LPCAT4: variants seen among roughly 807,000 people sequenced by gnomAD.
LPCAT4 encodes the protein lysophosphatidylcholine acyltransferase 4.
A neutral mutation model predicts 66.5 loss-of-function variants in LPCAT4; 30 were observed. That is an observed-to-expected ratio of 0.45 (90% CI 0.34 to 0.61). The LOEUF is 0.61. LPCAT4 is among the 20% of genes least tolerant of loss of function. The pLI is 0.01. For missense variants in LPCAT4, 557 were observed against 656.7 expected (o/e 0.85, Z 1.66); for synonymous variants, 253 against 262.1 (o/e 0.97, Z 0.34).
Position 34,363,032 on chromosome 15 carries a change from G to A in LPCAT4, c.747-196C>T, listed in dbSNP as rs150677146. 1.7e-4 allele frequency: 106 copies of A among 640,440 alleles called. No homozygotes were observed. The highest frequency in any genetic ancestry group is 2.8e-4 in the Non-Finnish European group (99 of 357,848). 39.7% of individuals were successfully genotyped at this position (640,440 alleles called of 1,614,324 possible). On this transcript the variant is annotated intron_variant, in intron 7 of 13. Coordinates refer to ENST00000314891, the MANE Select transcript of LPCAT4 (RefSeq NM_153613.3). The surrounding 1 kb of genome is among the most constrained non-coding windows in gnomAD (Gnocchi z 4.3). ...GGAGACACAAGGAACGGCCAGAAACGCGGTAGGGAAAGAGAGCAGAGCTGC... is the reference window on the plus strand; with the variant it reads ...GGAGACACAAGGAACGGCCAGAAACACGGTAGGGAAAGAGAGCAGAGCTGC...
rs1244450829 is a variant in LPCAT4 at position 34,365,571 on chromosome 15, G to A, written c.245C>T (p.Thr82Ile). Reference sequence around the variant, plus strand: ...ATCCCTCACTTACTTCCTCCATCCTGTAATTGGCTCCTGAAGCTGCTCCTC... The same window carrying A: ...ATCCCTCACTTACTTCCTCCATCCTATAATTGGCTCCTGAAGCTGCTCCTC... Reference protein sequence around the residue: ...LSEEQLQEPITGWRKTVCHNG... With the variant: ...LSEEQLQEPIIGWRKTVCHNG... Residue 82 changes from threonine to isoleucine, a missense_variant, in exon 2 of 14, where the codon ACA (threonine) becomes ATA (isoleucine). Around this residue, in one of 4 missense-constraint regions of LPCAT4, gnomAD observed 65 missense variants for 83.5 expected, o/e 0.78. Transcript: ENST00000314891. 6.2e-7 allele frequency: 1 copy of A among 1,614,072 alleles called. No homozygotes were observed. The highest frequency in any genetic ancestry group is 1.3e-5 in the African/African-American group (1 of 74,934).
chr15:34,360,250 G>A (rs775157345), intron 11 of LPCAT4, 41 bp from the exon 12 acceptor site: 27 of 1,509,256 alleles, frequency 1.8e-5, no homozygotes, highest in South Asian at 1.7e-4. Flanking sequence ...GGGACCCTGC[G>A]CCTCCCTTCC....
In LPCAT4 at chr15:34,359,128, C is replaced by CA; in HGVS notation, c.1573dup (p.Ter525LeufsTer41). The CA allele has an allele frequency of 1.2e-6, 2 of 1,600,526 alleles. No homozygotes were observed. Among genetic ancestry groups the CA allele is most frequent in the Non-Finnish European group, 1.7e-6 (2 of 1,174,482 alleles). ...GGAGGGGGTGAGAGGCTGAGGCACT[C>CA]AGTCTCCCTTCTGCTTGGGTGCTTG... On this transcript the variant is annotated frameshift_variant and stop_lost, in exon 14 of 14. Coordinates refer to ENST00000314891, the MANE Select transcript of LPCAT4 (RefSeq NM_153613.3). LOFTEE classifies it high-confidence loss of function.
In LPCAT4 at chr15:34,364,239, C is replaced by T. The variant is rs1891017178; in HGVS notation, c.546G>A (p.Val182=). 1 of 1,613,946 alleles carries T rather than the reference C, an allele frequency of 6.2e-7. No homozygotes were observed. Among genetic ancestry groups the T allele is most frequent in the Non-Finnish European group, 8.5e-7 (1 of 1,179,922 alleles). ...RHDPASRRRV[V]EEVRRRATSG... is the part of the protein sequence containing the mutation. ...AGGTGGCCCGCCTTCGGACCTCCTC[C>T]ACCACTCTGCGTCGAGAAGCCGGGT... Residue 182 remains valine (V), a synonymous_variant, in exon 4 of 14, where the codon GTG becomes GTA. Transcript: ENST00000314891.
chr15:34,364,051 G>T lies in LPCAT4; in HGVS notation c.614C>A (p.Thr205Asn). 1 of 1,613,184 alleles carries T rather than the reference G, an allele frequency of 6.2e-7. No individual in the cohort carries two copies. Among genetic ancestry groups the T allele is most frequent in the South Asian group, 1.1e-5 (1 of 91,078 alleles). The change falls in exon 5 of 14, where the codon ACC (threonine) becomes AAC (asparagine). Residue 205 changes from threonine to asparagine, a missense_variant. Transcript: ENST00000314891. Reference protein sequence around the residue: ...WPQVLFFPEGTCSNKKALLKF... With the variant: ...WPQVLFFPEGNCSNKKALLKF... ...AAGCAAAGCCTTCTTGTTGGAACAG[G>T]TGCCCTCAGGAAAGAATAGCACCTG...
At position 34,367,115 on chromosome 15, in the gene LPCAT4, G is replaced by A. The variant is rs987538421; in HGVS notation, c.-15C>T. On this transcript the variant is annotated 5_prime_UTR_variant, in exon 1 of 14. Coordinates refer to ENST00000314891, the MANE Select transcript of LPCAT4 (RefSeq NM_153613.3). ...CCCTGGCTCATGGCGGGAGAAGGTGGGAGGGAGGGCACCCCGGCCCTGGCC... is the reference window on the plus strand; with the variant it reads ...CCCTGGCTCATGGCGGGAGAAGGTGAGAGGGAGGGCACCCCGGCCCTGGCC... 3 of 1,531,160 alleles carry A rather than the reference G, an allele frequency of 2.0e-6. No individual in the cohort carries two copies. Among genetic ancestry groups the A allele is most frequent in the African/African-American group, 1.4e-5 (1 of 72,512 alleles). The allele number at this position is 1,531,160 out of a possible 1,614,324, so 94.8% of individuals were successfully genotyped here. A position where few individuals can be genotyped will look rare whatever the true frequency, so the allele number is the denominator to read the frequency against.
In LPCAT4 at chr15:34,365,771, A is replaced by G. The variant is rs1891062564; in HGVS notation, c.115-70T>C. On this transcript the variant is annotated intron_variant, in intron 1 of 13. Coordinates refer to ENST00000314891, the MANE Select transcript of LPCAT4 (RefSeq NM_153613.3). ...TCCCTCCACAGCATCCTTCTTCCAC[A>G]AAGCATAGACCCAGGAGCAGACAGC... 1.1e-5 allele frequency: 17 copies of G among 1,557,056 alleles called. No individual in the cohort carries two copies. The Admixed American group carries it at 3.1e-4, about 29-fold the overall frequency.
At position 34,358,940 on chromosome 15, in the gene LPCAT4, T is replaced by C; in HGVS notation, c.*187A>G. The C allele has an allele frequency of 3.5e-6, 1 of 283,902 alleles. No homozygotes were observed. Among genetic ancestry groups the C allele is most frequent in the East Asian group, 6.7e-5 (1 of 14,922 alleles). 17.6% of individuals were successfully genotyped at this position (283,902 alleles called of 1,614,324 possible). A position where few individuals can be genotyped will look rare whatever the true frequency, so the allele number is the denominator to read the frequency against. On this transcript the variant is annotated 3_prime_UTR_variant, in exon 14 of 14. Transcript: ENST00000314891. ...TCATTTTTTTTAATAGATATAGATA[T>C]AGATTTATATTTATATATAAAATAG...
rs780979853 is a variant in LPCAT4 at position 34,365,143 on chromosome 15, G to C, written c.343C>G (p.Arg115Gly). 6.2e-7 allele frequency: 1 copy of C among 1,614,190 alleles called. No individual in the cohort carries two copies. ...ACAGGGGCTTGAAGGCGAGAGGCTC[G>C]CTGGCCACGAACGCGAATCCGGAGG... is the stretch of plus-strand genomic sequence containing the variant. ...GFLRIRVRGQ[R>G]ASRLQAPVLV... The change falls in exon 3 of 14, where the codon CGA (arginine) becomes GGA (glycine). Residue 115 changes from arginine (R) to glycine (G), a missense_variant. Around this residue, in one of 4 missense-constraint regions of LPCAT4, gnomAD observed 65 missense variants for 83.5 expected, o/e 0.78. Transcript: ENST00000314891.
At chr15:34,364,411 CTTT>C (rs60508631) in intron 3 of LPCAT4, 105 bp from the exon 4 acceptor site, 1,331 of 555,984 alleles carry the variant, frequency 2.4e-3, no homozygotes, top group East Asian at 9.1e-3. Context: ...TCTGTTATCT[CTTT>C]TTTTTTTTTT....
At chr15:34,360,496 C>T (rs1202546662) in intron 11 of LPCAT4, among the ~76,000 whole-genome samples, 1 of 152,250 alleles carries the variant, frequency 6.6e-6, no homozygotes, top group African/African-American at 2.4e-5. Flanking sequence ...AAGTCTCTGA[C>T]ATGCCAGCGG....
At position 34,360,015 on chromosome 15, in the gene LPCAT4, TC is replaced by T. The variant is rs1015151307; in HGVS notation, c.1242+95del. ...TAGGTTGGATACCAAATGCCTAGTA[TC>T]TAGAAGCTACTGGAAACAGCATACC... On this transcript the variant is annotated intron_variant, in intron 12 of 13. Transcript: ENST00000314891. 9 of 1,048,998 alleles carry T rather than the reference TC, an allele frequency of 8.6e-6. No homozygotes were observed. In the African/African-American group the frequency reaches 1.4e-4, roughly 17 times the overall value. The allele number at this position is 1,048,998 out of a possible 1,614,324, so 65.0% of individuals were successfully genotyped here.
chr15:34,361,451 T>C lies in LPCAT4; in HGVS notation c.1092A>G (p.Leu364=), dbSNP rs201074603. ...MISQEEFARQ[L]QLSDPQTVAG... The stretch of plus-strand genomic sequence containing the variant: ...CCACCGTCTGAGGATCAGAGAGCTG[T>C]AGCTGCCTGGCAAACTCTTCCTGGC... Residue 364 remains leucine, a synonymous_variant, in exon 11 of 14, where the codon CTA becomes CTG. Coordinates refer to ENST00000314891, the MANE Select transcript of LPCAT4 (RefSeq NM_153613.3). 28 of 1,614,190 alleles carry C rather than the reference T, an allele frequency of 1.7e-5. No homozygotes were observed. In the East Asian group the frequency reaches 5.8e-4, roughly 33 times the overall value.
chr15:34,362,600 G>C lies in LPCAT4; in HGVS notation c.857C>G (p.Ala286Gly). ...PEESRDPTLY[A>G]NNVQRVMAQA... ...TGCCATGACCCTCTGAACATTGTTG[G>C]CATAGAGGGTGGGGTCCCTGCTCTC... Residue 286 changes from alanine (A) to glycine (G), a missense_variant, in exon 9 of 14, where the codon GCC (alanine) becomes GGC (glycine). Physicochemically the swap from Ala to Gly is moderately conservative, Grantham distance 60 (BLOSUM62 0). This residue lies in a region of LPCAT4 where 392 missense variants were observed against 473.9 expected (regional missense o/e 0.83). Coordinates refer to ENST00000314891, the MANE Select transcript of LPCAT4 (RefSeq NM_153613.3). The C allele has an allele frequency of 6.4e-7, 1 of 1,564,076 alleles. No individual in the cohort carries two copies. Among genetic ancestry groups the C allele is most frequent in the Non-Finnish European group, 8.7e-7 (1 of 1,154,608 alleles).
chr15:34,365,789 C>A, intron 1 of LPCAT4, 88 bp from the exon 2 acceptor site: 2 of 1,470,492 alleles, frequency 1.4e-6, no homozygotes, highest in Non-Finnish European at 9.2e-7. Context: ...GACCCAGGAG[C>A]AGACAGCCAT....
At position 34,366,998 on chromosome 15, in the gene LPCAT4, G is replaced by A; in HGVS notation, c.103C>T (p.Gln35Ter). The A allele has an allele frequency of 6.4e-7, 1 of 1,564,388 alleles. No homozygotes were observed. Among genetic ancestry groups the A allele is most frequent in the Non-Finnish European group, 8.7e-7 (1 of 1,152,898 alleles). Reference sequence around the variant, plus strand: ...TCCCCACACATTACCTTAACCCTCTGGAGGCGAGAGAGATGTAACTCATGC... The same window carrying A: ...TCCCCACACATTACCTTAACCCTCTAGAGGCGAGAGAGATGTAACTCATGC... ...FVHELHLSRL[Q>*]RVKFCLLGAL... Residue 35 changes from glutamine to a stop codon, truncating the protein, a stop_gained, in exon 1 of 14, where the codon CAG becomes TAG. Coordinates refer to ENST00000314891, the MANE Select transcript of LPCAT4 (RefSeq NM_153613.3). LOFTEE classifies it high-confidence loss of function.
rs1254548812 is a variant in LPCAT4 at position 34,364,214 on chromosome 15, A to C, written c.571T>G (p.Ser191Ala). The stretch of plus-strand genomic sequence containing the variant: ...CCCACCTGCGGCCACTTGCCTCCTG[A>C]GGTGGCCCGCCTTCGGACCTCCTCC... The part of the protein sequence containing the change: ...VVEEVRRRAT[S>A]GGKWPQVLFF... The change falls in exon 4 of 14, where the codon TCA becomes GCA. Residue 191 changes from serine to alanine, a missense_variant. Physicochemically the swap from Ser to Ala is moderately conservative, Grantham distance 99 (BLOSUM62 1). Transcript: ENST00000314891. 1 of 1,613,580 alleles carries C rather than the reference A, an allele frequency of 6.2e-7. No individual in the cohort carries two copies. The highest frequency in any genetic ancestry group is 8.5e-7 in the Non-Finnish European group (1 of 1,179,498).
rs765102744 is a variant in LPCAT4, at chr15:34,361,510, C to G, written c.1033G>C (p.Ala345Pro). 2.4e-5 allele frequency: 38 copies of G among 1,613,832 alleles called. No individual in the cohort carries two copies. Among genetic ancestry groups the G allele is most frequent in the Middle Eastern group, 3.3e-4 (2 of 6,084 alleles). ...CGACTCCGGCCTGGCTCTGCCCCAGCGTCCACATAGCCAGCGGACAGCCTA... is the reference window on the plus strand; with the variant it reads ...CGACTCCGGCCTGGCTCTGCCCCAGGGTCCACATAGCCAGCGGACAGCCTA... ...KAGLSAGYVD[A>P]GAEPGRSRMI... Residue 345 changes from alanine to proline, a missense_variant, in exon 11 of 14, where the codon GCT becomes CCT. Coordinates refer to ENST00000314891, the MANE Select transcript of LPCAT4 (RefSeq NM_153613.3).
At position 34,366,505 on chromosome 15, in the gene LPCAT4, G is replaced by T. The variant is rs554662636; in HGVS notation, c.114+482C>A. Among the ~76,000 whole-genome samples the T allele has an allele frequency of 4.3e-4, 65 of 152,114 alleles. No individual in the cohort carries two copies. In the East Asian group the frequency reaches 0.012, roughly 29 times the overall value. ...AGGTGCTGCAGTGCGGGGTGGAGGG[G>T]GGTTGGAGGGAGTGGGAAGAGGGAG... On this transcript the variant is annotated intron_variant, in intron 1 of 13. Transcript: ENST00000314891.
Sources: allele counts gnomAD v4.1 joint callset (sites outside exome capture counted in the v4.1 genomes callset), GRCh38; gene constraint gnomAD v4.1.1; regional missense constraint gnomAD v4.1.1; non-coding constraint Gnocchi (gnomAD v3.1); transcripts MANE v1.5; gene names NCBI Gene and HGNC (gene_info 2026-07-23, HGNC 2026-07-21).